The following ANXA8 variants were observed in gnomAD, a reference collection of about 807,000 sequenced individuals.
ANXA8 encodes VAC-beta.
Under a neutral mutation model 26.8 loss-of-function variants are expected in ANXA8, and 9 were observed. The observed-to-expected ratio is 0.34, with a 90% CI of 0.20 to 0.59. ANXA8 has a LOEUF of 0.59. Ranked by LOEUF, ANXA8 falls within the 20% of genes least tolerant of loss-of-function variation. ANXA8 has a pLI of 0.84. For synonymous variants in ANXA8, 39 were observed against 94.8 expected (o/e 0.41, Z 3.42); for missense variants, 83 against 238.5 (o/e 0.35, Z 4.29).
chr10:47,918,399 A>G, the ANXA8 span, among the ~76,000 whole-genome samples: 23 of 24,030 alleles, frequency 9.6e-4, no homozygotes, highest in African/African-American at 7.2e-3. Flanking sequence ...GAAAGAAAGA[A>G]AGAAAGAAAG....
the ANXA8 span, among the ~76,000 whole-genome samples, chr10:47,649,415 T>A: frequency 4.1e-5 from 6 of 146,332 alleles, no homozygotes; most frequent in Admixed American, 3.3e-4. Flanking sequence ...AAAATTAAAT[T>A]TTTTTTTTTG....
At chr10:47,667,427 T>C in the ANXA8 span, among the ~76,000 whole-genome samples, 2 of 151,998 alleles carry the variant, frequency 1.3e-5, no homozygotes, top group Non-Finnish European at 2.9e-5. Context: ...GTTCTGAAAC[T>C]TGTAAATGAT....
chr10:47,556,514 AC>A, the ANXA8 span, among the ~76,000 whole-genome samples: 1 of 151,914 alleles, frequency 6.6e-6, no homozygotes, highest in Admixed American at 6.6e-5. Flanking sequence ...AAAAGAATCT[AC>A]CAAAAAAATT....
the ANXA8 span, among the ~76,000 whole-genome samples, chr10:47,770,039 C>CT: frequency 6.7e-6 from 1 of 150,100 alleles, no homozygotes. Flanking sequence ...GGGATGCCCA[C>CT]TTTTTTAAAC....
chr10:47,581,034 C>G, the ANXA8 span, among the ~76,000 whole-genome samples: 2 of 150,548 alleles, frequency 1.3e-5, no homozygotes, highest in African/African-American at 5.0e-5. Context: ...CGAGATCACG[C>G]CGCTGCACTC....
chr10:47,585,783 T>TAAA, the ANXA8 span, among the ~76,000 whole-genome samples: 64 of 47,102 alleles, frequency 1.4e-3, 1 homozygote, highest in African/African-American at 6.1e-3. Context: ...AATTTTTTTG[T>TAAA]AAAAAAAAAA....
chr10:47,967,034 A>T, the ANXA8 span, among the ~76,000 whole-genome samples: 1 of 149,858 alleles, frequency 6.7e-6, no homozygotes, highest in African/African-American at 2.4e-5. Context: ...TCAGATCAGC[A>T]TTTCATATCA....
At chr10:47,522,560 C>G in the ANXA8 span, among the ~76,000 whole-genome samples, 1 of 146,850 alleles carries the variant, frequency 6.8e-6, no homozygotes, top group Non-Finnish European at 1.5e-5. Context: ...TGACTTAAAG[C>G]AGCCCATTAA....
At chr10:47,637,066 A>T in the ANXA8 span, among the ~76,000 whole-genome samples, 1 of 149,468 alleles carries the variant, frequency 6.7e-6, no homozygotes, top group African/African-American at 2.5e-5. Context: ...TTCTTTTTTC[A>T]ATGTTTAAGA....
chr10:47,943,695 A>G, the ANXA8 span, among the ~76,000 whole-genome samples: 1 of 151,496 alleles, frequency 6.6e-6, no homozygotes, highest in Non-Finnish European at 1.5e-5. Flanking sequence ...TCTCTATAGT[A>G]AGGCAGTAGA....
chr10:47,939,537 C>T, the ANXA8 span, among the ~76,000 whole-genome samples: 27 of 144,534 alleles, frequency 1.9e-4, no homozygotes, highest in Non-Finnish European at 2.8e-4. Context: ...GCAATTGCAA[C>T]TGTGCCCCGT....
At chr10:47,940,630 C>T in the ANXA8 span, among the ~76,000 whole-genome samples, 6 of 147,800 alleles carry the variant, frequency 4.1e-5, no homozygotes, top group South Asian at 6.4e-4. Context: ...GAGTTCAAGA[C>T]CTGCCTGGCC....
chr10:47,872,984 C>G, the ANXA8 span, among the ~76,000 whole-genome samples: 1 of 52,514 alleles, frequency 1.9e-5, no homozygotes, highest in South Asian at 9.6e-4. Flanking sequence ...TCTGAGTATG[C>G]CTGACAGTTG....
rs1333926431 is a variant in ANXA8 at position 47,481,986 on chromosome 10, G to A, written c.21+1927C>T. 1.1e-4 allele frequency among the ~76,000 whole-genome samples: 16 copies of A among 143,554 alleles called. 1 individual carries two copies. Among genetic ancestry groups the A allele is most frequent in the East Asian group, 5.6e-4 (2 of 3,586 alleles). The allele number at this position is 143,554 out of a possible 152,430, so 94.2% of individuals were successfully genotyped here. ...CCACGCCTTGGCCTTCCCCTGCTACGTGGCTGCCCAGAGGCCTGGGAGATG... is the reference window on the plus strand; with the variant it reads ...CCACGCCTTGGCCTTCCCCTGCTACATGGCTGCCCAGAGGCCTGGGAGATG... On this transcript the variant is annotated intron_variant, in intron 1 of 11. Coordinates refer to ENST00000585281, the MANE Select transcript of ANXA8 (RefSeq NM_001040084.3).
the ANXA8 span, among the ~76,000 whole-genome samples, chr10:47,497,621 A>C: frequency 1.4e-5 from 2 of 139,730 alleles, no homozygotes; most frequent in Non-Finnish European, 3.1e-5. Context: ...CTCCATCTCA[A>C]AAAAAAAAAA....
At chr10:47,515,619 T>C in the ANXA8 span, among the ~76,000 whole-genome samples, 1 of 116,654 alleles carries the variant, frequency 8.6e-6, no homozygotes, top group African/African-American at 3.2e-5. Context: ...TGAGAATTTC[T>C]GGCTCAGAGA....
the ANXA8 span, among the ~76,000 whole-genome samples, chr10:47,718,200 T>C: frequency 1.3e-5 from 2 of 152,168 alleles, no homozygotes; most frequent in Non-Finnish European, 2.9e-5. Flanking sequence ...GCCAGACACA[T>C]TGGCTCAAGC....
chr10:47,595,446 G>A, the ANXA8 span, among the ~76,000 whole-genome samples: 551 of 148,658 alleles, frequency 3.7e-3, 11 homozygotes, highest in Admixed American at 0.014. Flanking sequence ...TAAATCCTCC[G>A]CTTAAAAGAC....
chr10:47,624,356 G>C, the ANXA8 span, among the ~76,000 whole-genome samples: 1 of 123,860 alleles, frequency 8.1e-6, no homozygotes, highest in East Asian at 2.1e-4. Context: ...TAGTTGTAAT[G>C]ATACTTCAAA....
Sources: gnomAD v4.1 joint callset for allele counts (sites outside exome capture counted in the v4.1 genomes callset) on GRCh38, gnomAD v4.1.1 for gene constraint, MANE v1.5 for transcripts, NCBI Gene and HGNC (gene_info 2026-07-23, HGNC 2026-07-21) for gene names.